Variants in EIF4G3 observed in about 807,000 individuals in gnomAD.
EIF4G3 encodes the protein eIF-4-gamma 3.
Under a neutral mutation model 186.4 loss-of-function variants are expected in EIF4G3, and 34 were observed. The ratio of observed to expected loss-of-function variants is 0.18; its 90% confidence interval spans 0.14 to 0.24. The LOEUF is 0.24. Ranked by LOEUF, EIF4G3 falls within the 10% of genes least tolerant of loss-of-function variation. The pLI is 1.00. For synonymous variants in EIF4G3, 673 were observed against 679.5 expected (o/e 0.99, Z 0.15); for missense variants, 1,536 against 1,948.5 (o/e 0.79, Z 3.99).
chr1:20,815,656 G>A (rs1468615725), intron 34 of EIF4G3, among the ~76,000 whole-genome samples: 2 of 148,182 alleles, frequency 1.3e-5, no homozygotes, highest in South Asian at 2.2e-4. Context: ...AGGTGGGGGG[G>A]GGTCAGCCCC....
intron 4 of EIF4G3, among the ~76,000 whole-genome samples, chr1:21,044,637 G>GTTTTTT: frequency 7.1e-6 from 1 of 141,024 alleles, no homozygotes; most frequent in African/African-American, 2.7e-5. Context: ...AACTTCATTC[G>GTTTTTT]TTTTTTTTTT....
At chr1:21,050,630 T>C (rs944735284) in intron 4 of EIF4G3, among the ~76,000 whole-genome samples, 6 of 152,240 alleles carry the variant, frequency 3.9e-5, no homozygotes, top group African/African-American at 1.4e-4. Flanking sequence ...TCTTAAACAA[T>C]GAAAATGAAA....
chr1:21,032,351 A>AT (rs1366538764), intron 4 of EIF4G3, among the ~76,000 whole-genome samples: 2 of 152,198 alleles, frequency 1.3e-5, no homozygotes, highest in Admixed American at 6.5e-5. Context: ...AAAAATGTAC[A>AT]TTACAATTCA....
intron 6 of EIF4G3, chr1:20,999,352 C>T: frequency 2.6e-6 from 1 of 392,046 alleles, no homozygotes; most frequent in Middle Eastern, 3.6e-4. Flanking sequence ...AAACATCATA[C>T]TTCTACTATG....
intron 12 of EIF4G3, among the ~76,000 whole-genome samples, chr1:20,966,629 C>A (rs1159567775): frequency 1.3e-5 from 2 of 151,818 alleles, no homozygotes; most frequent in Non-Finnish European, 2.9e-5. Flanking sequence ...CTGCCACCAC[C>A]CCTGGCTAGT....
intron 29 of EIF4G3, among the ~76,000 whole-genome samples, chr1:20,845,161 A>G (rs2070383006): frequency 6.6e-6 from 1 of 152,174 alleles, no homozygotes; most frequent in Non-Finnish European, 1.5e-5. Context: ...CTCCAGTTTC[A>G]ATTTTCCGCT....
In EIF4G3 at chr1:20,855,015, T is replaced by C. The variant is rs765787929; in HGVS notation, c.3396A>G (p.Gly1132=). 8.7e-6 allele frequency: 14 copies of C among 1,613,648 alleles called. No individual in the cohort carries two copies. Among genetic ancestry groups the C allele is most frequent in the Non-Finnish European group, 8.5e-7 (1 of 1,179,768 alleles). Residue 1132 remains glycine (G), a synonymous_variant, in exon 26 of 37, where the codon GGA becomes GGG. Coordinates refer to ENST00000602326, the MANE Select transcript of EIF4G3 (RefSeq NM_001391906.1). ...CCTTTGCTCCACCACTGCTGCCTTT[T>C]CCCCAGCTGCCTAGCTGTGCTTTAG... ...LVPKAQLGSW[G]KGSSGGAKAS...
intron 14 of EIF4G3, among the ~76,000 whole-genome samples, chr1:20,939,366 G>C (rs1277543384): frequency 6.6e-6 from 1 of 152,066 alleles, no homozygotes; most frequent in Non-Finnish European, 1.5e-5. Flanking sequence ...TACCACTGAA[G>C]AGTCTATACT....
At chr1:21,025,411 G>A (rs2091921844) in intron 4 of EIF4G3, among the ~76,000 whole-genome samples, 1 of 152,078 alleles carries the variant, frequency 6.6e-6, no homozygotes, top group African/African-American at 2.4e-5. Flanking sequence ...CAGGTACATA[G>A]TGATAAGGGC....
At chr1:21,159,436 A>AAAAAAAAAG (rs1211687148) in intron 2 of EIF4G3, among the ~76,000 whole-genome samples, 1 of 151,728 alleles carries the variant, frequency 6.6e-6, no homozygotes, top group Non-Finnish European at 1.5e-5. Context: ...GGGTTTAAAA[A>AAAAAAAAAG]AAAAAAAAAG....
At chr1:21,076,496 T>TAAAAATA (rs1557841551) in intron 3 of EIF4G3, among the ~76,000 whole-genome samples, 1 of 151,342 alleles carries the variant, frequency 6.6e-6, no homozygotes, top group Non-Finnish European at 1.5e-5. Flanking sequence ...TCTCAAAAAA[T>TAAAAATA]AAAAATAAAA....
chr1:21,080,667 G>C (rs2095748247), intron 3 of EIF4G3, among the ~76,000 whole-genome samples: 1 of 151,950 alleles, frequency 6.6e-6, no homozygotes, highest in Non-Finnish European at 1.5e-5. Flanking sequence ...GCGCCACCAT[G>C]CCCGGCTAAT....
Position 21,043,589 on chromosome 1 carries a change from G to A in EIF4G3, c.-67+7277C>T, listed in dbSNP as rs964563140. Among the ~76,000 whole-genome samples the A allele has an allele frequency of 2.0e-5, 3 of 152,152 alleles. 1 individual carries two copies. Among genetic ancestry groups the A allele is most frequent in the African/African-American group, 4.8e-5 (2 of 41,440 alleles). ...ACATTTCAAGGTAAGTTACAGGACT[G>A]CATAAAAGATTAAACACCTAGGCCA... On this transcript the variant is annotated intron_variant, in intron 4 of 36. Coordinates refer to ENST00000602326, the MANE Select transcript of EIF4G3 (RefSeq NM_001391906.1).
Position 21,157,263 on chromosome 1 carries a change from C to T in EIF4G3, c.-272+18912G>A, listed in dbSNP as rs2097678590. On this transcript the variant is annotated intron_variant, in intron 2 of 36. Transcript: ENST00000602326. ...CTGTAGATGTCCTTCCCCTCAACTTCAAGTCAGCCCAAATACTACTTCCTA... is the reference window on the plus strand; with the variant it reads ...CTGTAGATGTCCTTCCCCTCAACTTTAAGTCAGCCCAAATACTACTTCCTA... Among the ~76,000 whole-genome samples, 3 of 152,138 alleles carry T rather than the reference C, an allele frequency of 2.0e-5. No homozygotes were observed. In the South Asian group the frequency reaches 6.2e-4, roughly 32 times the overall value.
At chr1:21,070,001 A>G (rs1361254874) in intron 3 of EIF4G3, among the ~76,000 whole-genome samples, 1 of 152,226 alleles carries the variant, frequency 6.6e-6, no homozygotes, top group Admixed American at 6.5e-5. Context: ...GATCTTTCAA[A>G]GTAATGCAAG....
intron 3 of EIF4G3, among the ~76,000 whole-genome samples, chr1:21,054,108 T>C (rs2094447147): frequency 1.3e-5 from 2 of 152,070 alleles, no homozygotes; most frequent in African/African-American, 4.8e-5. Context: ...GGAGACTTTT[T>C]ATTTTGTTCT....
At chr1:21,118,176 G>C (rs1243511032) in intron 2 of EIF4G3, among the ~76,000 whole-genome samples, 1 of 152,156 alleles carries the variant, frequency 6.6e-6, no homozygotes, top group Non-Finnish European at 1.5e-5. Context: ...AGTTCTCTAT[G>C]AAGTTAACAG....
chr1:20,907,188 C>T (rs963727323), intron 14 of EIF4G3, among the ~76,000 whole-genome samples: 2 of 152,102 alleles, frequency 1.3e-5, no homozygotes, highest in Non-Finnish European at 2.9e-5. Context: ...AAGGCAAAGA[C>T]ATAGATTGTT....
chr1:20,853,448 G>C, intron 27 of EIF4G3, 112 bp downstream of exon 27: 1 of 630,462 alleles, frequency 1.6e-6, no homozygotes, highest in Middle Eastern at 3.2e-4. Flanking sequence ...TCAACTTTAG[G>C]AATAAAAGGA....
Sources: gnomAD v4.1 joint callset for allele counts (sites outside exome capture counted in the v4.1 genomes callset) on GRCh38, gnomAD v4.1.1 for gene constraint, MANE v1.5 for transcripts, NCBI Gene and HGNC (gene_info 2026-07-23, HGNC 2026-07-21) for gene names.